DIP2C: variants seen among roughly 807,000 people sequenced by gnomAD.
The protein encoded by DIP2C is DIP2 acetate--CoA ligase C (putative).
Under a neutral mutation model 192.4 loss-of-function variants are expected in DIP2C, and 33 were observed. The observed-to-expected ratio is 0.17, with a 90% CI of 0.13 to 0.23. The LOEUF (loss-of-function observed/expected upper bound fraction) is 0.23. DIP2C is among the 10% of genes least tolerant of loss of function. DIP2C has a pLI of 1.00. For synonymous variants in DIP2C, 979 were observed against 864.1 expected, an observed-to-expected ratio of 1.13 and a Z score of -2.33; for missense variants, 1,537 against 2,110.1, an observed-to-expected ratio of 0.73 and a Z score of 5.32.
At position 578,985 on chromosome 10, in the gene DIP2C, A is replaced by C. The variant is rs188109336; in HGVS notation, c.86-92455T>G. Among the ~76,000 whole-genome samples, 5 of 152,258 alleles carry C rather than the reference A, an allele frequency of 3.3e-5. No homozygotes were observed. In the East Asian group the frequency reaches 9.7e-4, roughly 29 times the overall value. Reference sequence around the variant, plus strand: ...ACACATCCAGATCCATGTAGTGTACATATGTAGGTACACTATAACGTGTAT... The same window carrying C: ...ACACATCCAGATCCATGTAGTGTACCTATGTAGGTACACTATAACGTGTAT... On this transcript the variant is annotated intron_variant, in intron 1 of 36. Coordinates refer to ENST00000280886, the MANE Select transcript of DIP2C (RefSeq NM_014974.3).
intron 4 of DIP2C, among the ~76,000 whole-genome samples, chr10:433,271 G>A (rs1433189514): frequency 3.3e-5 from 5 of 152,072 alleles, no homozygotes; most frequent in African/African-American, 1.2e-4. Context: ...TGCTTTCTTA[G>A]GCAAAAATAC....
At chr10:391,269 C>G (rs959734509) in intron 10 of DIP2C, among the ~76,000 whole-genome samples, 1 of 151,770 alleles carries the variant, frequency 6.6e-6, no homozygotes, top group African/African-American at 2.4e-5. Flanking sequence ...ATGCTAACAC[C>G]AAGTGCCTGA....
chr10:498,136 G>A (rs1315757291), intron 1 of DIP2C, among the ~76,000 whole-genome samples: 1 of 152,174 alleles, frequency 6.6e-6, no homozygotes, highest in South Asian at 2.1e-4. Flanking sequence ...AAAGTGCTGG[G>A]ATTACAGGCA....
Position 419,858 on chromosome 10 carries a change from C to T in DIP2C, c.605-659G>A, listed in dbSNP as rs187074070. On this transcript the variant is annotated intron_variant, in intron 5 of 36. Transcript: ENST00000280886. ...AAGGATCGTGTAAGGCCAATGAGCG[C>T]GTGGAGCTCTTTCTCTTACAGCACC... is the stretch of plus-strand genomic sequence containing the variant. Among the ~76,000 whole-genome samples, 44 of 152,266 alleles carry T rather than the reference C, an allele frequency of 2.9e-4. No individual in the cohort carries two copies. In the East Asian group the frequency reaches 6.4e-3, roughly 22 times the overall value.
At chr10:571,018 G>A (rs566204207) in intron 1 of DIP2C, among the ~76,000 whole-genome samples, 1 of 152,340 alleles carries the variant, frequency 6.6e-6, no homozygotes, top group Non-Finnish European at 1.5e-5. Flanking sequence ...GCCCTGGGCT[G>A]CGGCTTCCAC....
At chr10:561,727 C>G (rs1024731715) in intron 1 of DIP2C, among the ~76,000 whole-genome samples, 1 of 152,230 alleles carries the variant, frequency 6.6e-6, no homozygotes, top group African/African-American at 2.4e-5. Context: ...CCGTCTAGAG[C>G]TTGTCTGCCA....
chr10:536,433 C>T (rs1181992268), intron 1 of DIP2C, among the ~76,000 whole-genome samples: 1 of 152,198 alleles, frequency 6.6e-6, no homozygotes, highest in Non-Finnish European at 1.5e-5. Context: ...ATAGGGACGT[C>T]ACAGTCCCGG....
intron 1 of DIP2C, among the ~76,000 whole-genome samples, chr10:506,854 T>C (rs150603228): frequency 6.6e-6 from 1 of 152,200 alleles, no homozygotes; most frequent in East Asian, 1.9e-4. Flanking sequence ...TGATCAGAGG[T>C]GTGAGGTTAT....
At chr10:346,515 G>A (rs1380041266) in intron 26 of DIP2C, among the ~76,000 whole-genome samples, 6 of 130,212 alleles carry the variant, frequency 4.6e-5, no homozygotes, top group East Asian at 2.4e-4. Context: ...GACACATCGC[G>A]CATAGTTCTC....
intron 1 of DIP2C, among the ~76,000 whole-genome samples, chr10:524,463 A>G (rs1475339971): frequency 6.6e-6 from 1 of 152,216 alleles, no homozygotes; most frequent in Non-Finnish European, 1.5e-5. Flanking sequence ...AAATATATAC[A>G]TGCTTATTTT....
At chr10:311,537 C>G in intron 31 of DIP2C, 1 of 1,232,438 alleles carries the variant, frequency 8.1e-7, no homozygotes, top group Middle Eastern at 3.1e-4. Flanking sequence ...AGTCCCCTAC[C>G]TGCTCGGCCA....
intron 4 of DIP2C, among the ~76,000 whole-genome samples, chr10:423,368 C>T (rs934004381): frequency 2.6e-5 from 4 of 152,204 alleles, no homozygotes; most frequent in African/African-American, 7.2e-5. Flanking sequence ...AGAACAAGGG[C>T]CGCGTTTCCT....
At chr10:568,350 C>T (rs139490126) in intron 1 of DIP2C, among the ~76,000 whole-genome samples, 1 of 152,258 alleles carries the variant, frequency 6.6e-6, no homozygotes, top group African/African-American at 2.4e-5. Flanking sequence ...AGAGTTCTAC[C>T]GTGGGGTGAG....
intron 1 of DIP2C, among the ~76,000 whole-genome samples, chr10:649,206 G>A: frequency 6.7e-6 from 1 of 149,778 alleles, no homozygotes; most frequent in Non-Finnish European, 1.5e-5. Context: ...CGGTGGGAGA[G>A]AACAGAGGGA....
At chr10:335,406 G>A (rs1333755877) in intron 29 of DIP2C, among the ~76,000 whole-genome samples, 1 of 152,102 alleles carries the variant, frequency 6.6e-6, no homozygotes, top group Admixed American at 6.6e-5. Context: ...GAAAACCAAC[G>A]CATTCCTCCT....
chr10:444,606 C>G (rs190709937), intron 3 of DIP2C, among the ~76,000 whole-genome samples: 68 of 152,162 alleles, frequency 4.5e-4, no homozygotes, highest in Admixed American at 1.8e-3. Context: ...GAGACAGCCA[C>G]TGTTCATTCA....
chr10:532,544 T>TATGGGTGAGAGAGAGAGTATGGGTGTGA (rs1554892908), intron 1 of DIP2C, among the ~76,000 whole-genome samples: 4 of 113,320 alleles, frequency 3.5e-5, no homozygotes, highest in Non-Finnish European at 7.4e-5. Flanking sequence ...AGTATGGGTG[T>TATGGGTGAGAGAGAGAGTATGGGTGTGA]GAGAGAGTAT....
At position 606,191 on chromosome 10, in the gene DIP2C, T is replaced by C. The variant is rs374136049; in HGVS notation, c.85+83303A>G. Among the ~76,000 whole-genome samples the C allele has an allele frequency of 2.4e-3, 369 of 152,342 alleles. 1 individual carries two copies. The highest frequency in any genetic ancestry group is 8.3e-3 in the South Asian group (40 of 4,830). On this transcript the variant is annotated intron_variant, in intron 1 of 36. Coordinates refer to ENST00000280886, the MANE Select transcript of DIP2C (RefSeq NM_014974.3). Reference sequence around the variant, plus strand: ...AACGAGTCCTGCATAAACCCTGGGCTGGGGTGCCAGCCACGGCCCAGCAGC... The same window carrying C: ...AACGAGTCCTGCATAAACCCTGGGCCGGGGTGCCAGCCACGGCCCAGCAGC...
At chr10:492,150 A>C (rs1052690411) in intron 1 of DIP2C, among the ~76,000 whole-genome samples, 7 of 152,092 alleles carry the variant, frequency 4.6e-5, no homozygotes, top group African/African-American at 1.7e-4. Context: ...TGTCGGAGAC[A>C]CTCCAGCTCT....
Sources: allele counts gnomAD v4.1 joint callset (sites outside exome capture counted in the v4.1 genomes callset), GRCh38; gene constraint gnomAD v4.1.1; transcripts MANE v1.5; gene names NCBI Gene and HGNC (gene_info 2026-07-23, HGNC 2026-07-21).